Variants in NEB observed in about 807,000 individuals in gnomAD.
NEB encodes the protein nemaline myopathy type 2.
Under a neutral mutation model 952.2 loss-of-function variants are expected in NEB, and 512 were observed. The ratio of observed to expected loss-of-function variants is 0.54; its 90% CI spans 0.50 to 0.58. NEB has a LOEUF of 0.58. Ranked by LOEUF, NEB falls within the 20% of genes least tolerant of loss-of-function variation. The pLI is 0.00. For synonymous variants in NEB, 2,900 were observed against 3,149.8 expected, an observed-to-expected ratio of 0.92 and a Z score of 2.66; for missense variants, 8,428 against 9,231.1, an observed-to-expected ratio of 0.91 and a Z score of 3.56.
chr2:151,714,561 T>C (rs900009496), intron 10 of NEB, among the ~76,000 whole-genome samples: 3 of 152,164 alleles, frequency 2.0e-5, no homozygotes, highest in Non-Finnish European at 4.4e-5. Context: ...AATAAATTTG[T>C]ATGCCTTTTC....
rs377047616 is a variant in NEB at position 151,697,530 on chromosome 2, G to A, written c.1257+14C>T. The A allele has an allele frequency of 4.5e-5, 72 of 1,608,848 alleles. No individual in the cohort carries two copies. The African/African-American group carries it at 9.2e-4, about 21-fold the overall frequency. On this transcript the variant is annotated intron_variant, in intron 14 of 181. Transcript: ENST00000397345. ...TCTTTTTTTAACAGAAAGAGTGACA[G>A]TAGGATTGCTTACATCACTACTGAA...
rs75804242 is a variant in NEB at position 151,548,261 on chromosome 2, G to A, written c.20157+47C>T. The A allele has an allele frequency of 8.1e-4, 1,146 of 1,413,214 alleles. 4 individuals carry two copies. In the African/African-American group the frequency reaches 0.014, roughly 17 times the overall value. 87.5% of individuals were successfully genotyped at this position (1,413,214 alleles called of 1,614,324 possible). A position where few individuals can be genotyped will look rare whatever the true frequency, so the allele number is the denominator to read the frequency against. ...CTTAATGCATTTCAAACAAAGCCATGGCTATTGAAACTCAATATGTCTCTT... is the reference window on the plus strand; with the variant it reads ...CTTAATGCATTTCAAACAAAGCCATAGCTATTGAAACTCAATATGTCTCTT... On this transcript the variant is annotated intron_variant, in intron 131 of 181. Coordinates refer to ENST00000397345, the MANE Select transcript of NEB (RefSeq NM_001164508.2).
At chr2:151,563,490 AC>A in intron 119 of NEB, 115 bp downstream of exon 119, 2 of 855,048 alleles carry the variant, frequency 2.3e-6, no homozygotes, top group Non-Finnish European at 3.9e-6. Context: ...CTCAGGAAGG[AC>A]CCTACGCTAC....
chr2:151,642,907 T>C lies in NEB; in HGVS notation c.8161-38A>G, dbSNP rs147885742. 6.3e-3 allele frequency: 9,267 copies of C among 1,471,938 alleles called. 47 individuals carry two copies. Among genetic ancestry groups the C allele is most frequent in the Middle Eastern group, 0.015 (69 of 4,616 alleles). The allele number at this position is 1,471,938 out of a possible 1,614,324, so 91.2% of individuals were successfully genotyped here. A position where few individuals can be genotyped will look rare whatever the true frequency, so the allele number is the denominator to read the frequency against. On this transcript the variant is annotated intron_variant, in intron 58 of 181. Coordinates refer to ENST00000397345, the MANE Select transcript of NEB (RefSeq NM_001164508.2). ...GAAAAACATGACTGGTATAGGCCAG[T>C]AATAAATAGACACATGCAGACAGTC...
intron 72 of NEB, among the ~76,000 whole-genome samples, chr2:151,620,176 A>G (rs2098361284): frequency 6.6e-6 from 1 of 151,814 alleles, no homozygotes; most frequent in African/African-American, 2.4e-5. Context: ...TGGGAGAAAT[A>G]GTTTTAAAAT....
At chr2:151,643,125 C>T in intron 58 of NEB, 25 bp downstream of exon 58, 1 of 1,584,474 alleles carries the variant, frequency 6.3e-7, no homozygotes, top group Non-Finnish European at 8.6e-7. Context: ...AATTAATAAC[C>T]TCCTCAAACA....
Position 151,526,243 on chromosome 2 carries a change from T to C in NEB, c.21965A>G (p.His7322Arg). ...IESDLKYKEK[H>R]VKERGTCHAV... ...ATGGCAGGTTCCTCTTTCCTTGACA[T>C]GTTTCTCTTTGTATTTCAGCTTCAG... The change falls in exon 149 of 182, where the codon CAT becomes CGT. Residue 7322 changes from histidine to arginine, a missense_variant. Transcript: ENST00000397345. The C allele has an allele frequency of 6.2e-7, 1 of 1,611,992 alleles. No homozygotes were observed. The highest frequency in any genetic ancestry group is 1.3e-5 in the African/African-American group (1 of 75,012).
chr2:151,614,197 G>C, intron 77 of NEB, 79 bp downstream of exon 77: 1 of 1,516,358 alleles, frequency 6.6e-7, no homozygotes, highest in Non-Finnish European at 9.0e-7. Flanking sequence ...GGTTTCACCA[G>C]ACTGTGGAAA....
At chr2:151,540,516 C>T (rs982974277) in intron 137 of NEB, 68 bp from the exon 138 acceptor site, 3 of 1,292,072 alleles carry the variant, frequency 2.3e-6, no homozygotes, top group Non-Finnish European at 2.2e-6. Flanking sequence ...AAGCCACCTA[C>T]AGGTCTTGTG....
chr2:151,727,568 A>G, intron 5 of NEB, 123 bp downstream of exon 5: 4 of 929,994 alleles, frequency 4.3e-6, no homozygotes, highest in Non-Finnish European at 6.3e-6. Context: ...ATAATTTGCA[A>G]AATAAGTTTT....
chr2:151,702,171 C>T (rs201575629), intron 13 of NEB, among the ~76,000 whole-genome samples: 96,091 of 143,658 alleles, frequency 0.67, 35,645 homozygotes, highest in Non-Finnish European at 0.83. Flanking sequence ...TGTAGTTGAG[C>T]GGTTTTGAGT....
chr2:151,526,283 G>A (rs1312028730), intron 148 of NEB, 21 bp from the exon 149 acceptor site: 2 of 1,526,530 alleles, frequency 1.3e-6, no homozygotes, highest in South Asian at 1.1e-5. Context: ...AGGAAAAGGG[G>A]CATTTCTTTA....
rs538314913 is a variant in NEB, at chr2:151,502,779, C to T, written c.23928+14G>A. The T allele has an allele frequency of 9.5e-5, 140 of 1,472,694 alleles. 1 individual carries two copies. In the East Asian group the frequency reaches 2.5e-3, roughly 26 times the overall value. 91.2% of individuals were successfully genotyped at this position (1,472,694 alleles called of 1,614,324 possible). A position where few individuals can be genotyped will look rare whatever the true frequency, so the allele number is the denominator to read the frequency against. On this transcript the variant is annotated intron_variant, in intron 167 of 181. Coordinates refer to ENST00000397345, the MANE Select transcript of NEB (RefSeq NM_001164508.2). ...ATTAAGGGATTTTTTTTTTTTTGGCCCCCTAAGAAATACCGAGCTAAAGTT... is the reference window on the plus strand; with the variant it reads ...ATTAAGGGATTTTTTTTTTTTTGGCTCCCTAAGAAATACCGAGCTAAAGTT...
At position 151,630,815 on chromosome 2, in the gene NEB, A is replaced by G. The variant is rs1188521966; in HGVS notation, c.9623T>C (p.Leu3208Ser). 4.4e-6 allele frequency: 7 copies of G among 1,587,686 alleles called. No homozygotes were observed. Among genetic ancestry groups the G allele is most frequent in the Non-Finnish European group, 6.0e-6 (7 of 1,166,496 alleles). The change falls in exon 67 of 182, where the codon TTA (leucine) becomes TCA (serine). Residue 3208 changes from leucine to serine, a missense_variant. Around this residue, in one of 11 missense-constraint regions of NEB, gnomAD observed 1,772 missense variants for 1,960.3 expected, o/e 0.90. Transcript: ENST00000397345. The part of the protein sequence containing the change: ...KNNALNMNKR[L>S]YTEAWDKDKT... ...GTCTTTGTCCCAGGCCTCTGTGTAT[A>G]AACGCTATAAAAGAAGATAAGATGC...
intron 78 of NEB, among the ~76,000 whole-genome samples, chr2:151,611,384 G>A (rs1272814819): frequency 3.3e-5 from 5 of 152,262 alleles, no homozygotes; most frequent in East Asian, 3.9e-4. Context: ...GATACTCAAC[G>A]ATTTTTTGGT....
Position 151,617,517 on chromosome 2 carries a change from G to A in NEB, c.11077-49C>T, listed in dbSNP as rs1362401856. The A allele has an allele frequency of 1.3e-5, 16 of 1,219,130 alleles. No homozygotes were observed. In the Admixed American group the frequency reaches 3.7e-4, roughly 28 times the overall value. 75.5% of individuals were successfully genotyped at this position (1,219,130 alleles called of 1,614,324 possible). A position where few individuals can be genotyped will look rare whatever the true frequency, so the allele number is the denominator to read the frequency against. The stretch of plus-strand genomic sequence containing the variant: ...AGAGAGAGAGAGAAAAATTATTTTG[G>A]TGTTCACAGATATTATTGTTTTGAT... On this transcript the variant is annotated intron_variant, in intron 74 of 181. Transcript: ENST00000397345.
In NEB at chr2:151,569,941, C is replaced by T. The variant is rs2096568205; in HGVS notation, c.17430+140G>A. 3.1e-5 allele frequency: 26 copies of T among 832,642 alleles called. No homozygotes were observed. In the South Asian group the frequency reaches 4.4e-4, roughly 14 times the overall value. 51.6% of individuals were successfully genotyped at this position (832,642 alleles called of 1,614,324 possible). ...TTCTTGGATTTGGTGATTTTGATAC[C>T]ATACTATAAGGTCTCACTAATATTA... On this transcript the variant is annotated intron_variant, in intron 109 of 181. Coordinates refer to ENST00000397345, the MANE Select transcript of NEB (RefSeq NM_001164508.2).
At chr2:151,669,437 C>A (rs971855218) in intron 38 of NEB, among the ~76,000 whole-genome samples, 9 of 152,174 alleles carry the variant, frequency 5.9e-5, no homozygotes, top group Non-Finnish European at 1.0e-4. Flanking sequence ...ATGTAAACTA[C>A]AAACTATCAC....
At chr2:151,650,406 A>G in intron 53 of NEB, 27 bp from the exon 54 acceptor site, 1 of 1,603,764 alleles carries the variant, frequency 6.2e-7, no homozygotes, top group African/African-American at 1.3e-5. Flanking sequence ...CAAGCCATCA[A>G]AATCCCATTC....
Sources: allele counts gnomAD v4.1 joint callset (sites outside exome capture counted in the v4.1 genomes callset), GRCh38; gene constraint gnomAD v4.1.1; regional missense constraint gnomAD v4.1.1; transcripts MANE v1.5; gene names NCBI Gene and HGNC (gene_info 2026-07-23, HGNC 2026-07-21).